Variants in SLC27A5 observed in about 807,000 individuals in gnomAD.
SLC27A5 encodes the protein long-chain fatty acid transport protein 5.
Under a neutral mutation model 63.1 loss-of-function variants are expected in SLC27A5, and 47 were observed. That is an observed-to-expected ratio of 0.74 (90% confidence interval 0.59 to 0.95). The LOEUF is 0.95. Among genes scored for constraint, SLC27A5 ranks in the 40% least tolerant of loss-of-function variants. SLC27A5 has a pLI of 0.00. For synonymous variants in SLC27A5, 391 were observed against 403.8 expected (o/e 0.97, Z 0.38); for missense variants, 940 against 921.0 (o/e 1.02, Z -0.27).
intron 2 of SLC27A5, 87 bp from the exon 3 acceptor site, chr19:58,510,092 G>T: frequency 1.5e-6 from 2 of 1,376,698 alleles, no homozygotes; most frequent in Non-Finnish European, 2.0e-6. Flanking sequence ...CCAACAGCCA[G>T]GCCTACATTG....
Position 58,500,370 on chromosome 19 carries a change from G to A in SLC27A5, c.1437C>T (p.Asp479=). The change falls in exon 6 of 10, where the codon GAC becomes GAT. Residue 479 remains aspartate, a synonymous_variant. Coordinates refer to ENST00000263093, the MANE Select transcript of SLC27A5 (RefSeq NM_012254.3). ...CTACAGGGATGCAGAAGCCCTGATT[G>A]TCCCTCACAGGCTCCGCCGCCTCCA... ...FDMEAAEPVR[D]NQGFCIPVGL... is the part of the protein sequence containing the mutation. 6.2e-7 allele frequency: 1 copy of A among 1,613,574 alleles called. No individual in the cohort carries two copies.
intron 2 of SLC27A5, 27 bp downstream of exon 2, chr19:58,510,694 G>A: frequency 6.4e-7 from 1 of 1,552,176 alleles, no homozygotes; most frequent in South Asian, 1.2e-5. Context: ...TTCAGAGGCT[G>A]GTGCTAGGGC....
intron 3 of SLC27A5, among the ~76,000 whole-genome samples, chr19:58,502,634 G>A (rs150978418): frequency 1.5e-5 from 2 of 131,400 alleles, no homozygotes; most frequent in East Asian, 2.3e-4. Context: ...TGGATGTGTG[G>A]ACAGAGTAGT....
In SLC27A5 at chr19:58,500,592, C is replaced by T. The variant is rs773882107; in HGVS notation, c.1297G>A (p.Gly433Ser). ...AAGCCCATGTTGCCTTCTGTGGAGC[C>T]GTAGACTTCCCAGATCCGAATAGGA... ...FGPIRIWEVYGSTEGNMGLVN... is the reference protein window; with the variant it reads ...FGPIRIWEVYSSTEGNMGLVN... The change falls in exon 5 of 10, where the codon GGC (glycine) becomes AGC (serine). Residue 433 changes from glycine (G) to serine (S), a missense_variant. Coordinates refer to ENST00000263093, the MANE Select transcript of SLC27A5 (RefSeq NM_012254.3). The T allele has an allele frequency of 1.4e-5, 23 of 1,614,104 alleles. No individual in the cohort carries two copies. The Middle Eastern group carries it at 8.2e-4, about 58-fold the overall frequency.
intron 3 of SLC27A5, among the ~76,000 whole-genome samples, chr19:58,506,137 G>A (rs888032789): frequency 1.3e-5 from 2 of 151,722 alleles, no homozygotes; most frequent in Non-Finnish European, 2.9e-5. Context: ...ATGTTGCCCA[G>A]GCTGGTGTTG....
chr19:58,503,117 A>C (rs1348395577), intron 3 of SLC27A5, among the ~76,000 whole-genome samples: 2 of 151,678 alleles, frequency 1.3e-5, no homozygotes, highest in Non-Finnish European at 2.9e-5. Flanking sequence ...AGGCAGGAGA[A>C]TGGCGTGAAC....
chr19:58,509,781 C>T, intron 3 of SLC27A5, 66 bp downstream of exon 3: 2 of 1,458,886 alleles, frequency 1.4e-6, no homozygotes, highest in South Asian at 2.7e-5. Flanking sequence ...TTTGCCTTGA[C>T]AGCCCCACGC....
chr19:58,505,192 C>T (rs1395444163), intron 3 of SLC27A5, among the ~76,000 whole-genome samples: 2 of 150,314 alleles, frequency 1.3e-5, no homozygotes, highest in South Asian at 4.2e-4. Flanking sequence ...CCCTGCGCCC[C>T]GGGTTCAAGC....
In SLC27A5 at chr19:58,510,851, G is replaced by A. The variant is rs550112910; in HGVS notation, c.768C>T (p.Ser256=). The change falls in exon 2 of 10, where the codon TCC becomes TCT. Residue 256 remains serine, a synonymous_variant. Coordinates refer to ENST00000263093, the MANE Select transcript of SLC27A5 (RefSeq NM_012254.3). ...CCAGAGCCCCCACCCCTGGTGTAGG[G>A]GAGGTATGGCTGAGGTAGAAGCAGC... ...NIRCFYLSHT[S]PTPGVGALGA... is the part of the protein sequence containing the mutation. The A allele has an allele frequency of 1.2e-6, 2 of 1,613,294 alleles. No homozygotes were observed. Among genetic ancestry groups the A allele is most frequent in the African/African-American group, 2.7e-5 (2 of 75,016 alleles).
rs1488602778 is a variant in SLC27A5 at position 58,499,693 on chromosome 19, G to T, written c.1469-3C>A. 2 of 1,610,740 alleles carry T rather than the reference G, an allele frequency of 1.2e-6. No homozygotes were observed. Reference sequence around the variant, plus strand: ...GGTCAGCAGCAGCCCCGGCTCCCCTGGGGTAGGAGCAGGAACAAGAACCCC... The same window carrying T: ...GGTCAGCAGCAGCCCCGGCTCCCCTTGGGTAGGAGCAGGAACAAGAACCCC... On this transcript the variant is annotated splice_polypyrimidine_tract_variant and splice_region_variant and intron_variant, in intron 6 of 9. Transcript: ENST00000263093.
chr19:58,510,750 G>C lies in SLC27A5; in HGVS notation c.869C>G (p.Ala290Gly). The C allele has an allele frequency of 6.2e-7, 1 of 1,612,642 alleles. No individual in the cohort carries two copies. The highest frequency in any genetic ancestry group is 8.5e-7 in the Non-Finnish European group (1 of 1,179,478). Residue 290 changes from alanine (A) to glycine (G), a missense_variant, in exon 2 of 10, where the codon GCC becomes GGC. Ala to Gly is a moderately conservative substitution (Grantham distance 60). Coordinates refer to ENST00000263093, the MANE Select transcript of SLC27A5 (RefSeq NM_012254.3). The stretch of plus-strand genomic sequence containing the variant: ...GGTCCCCGAGGTATAGATGAAGAGG[G>C]CAGGGCTTCTCCATGTGATCCCAGC... The part of the protein sequence containing the change: ...LRAGITWRSP[A>G]LFIYTSGTTG...
Position 58,500,689 on chromosome 19 carries a change from T to C in SLC27A5, c.1200A>G (p.Thr400=). 1 of 1,613,658 alleles carries C rather than the reference T, an allele frequency of 6.2e-7. No homozygotes were observed. Among genetic ancestry groups the C allele is most frequent in the African/African-American group, 1.3e-5 (1 of 75,030 alleles). The change falls in exon 5 of 10, where the codon ACA becomes ACG. Residue 400 remains threonine (T), a synonymous_variant. Transcript: ENST00000263093. ...TGCCCATTGCCAGGCGGACTGTATG[T>C]GTCCGGTCCTCTGGTTGCTACAGGA... ...CNIPQQPEDR[T]HTVRLAMGNG... is the part of the protein sequence containing the mutation.
Position 58,499,211 on chromosome 19 carries a change from G to A in SLC27A5, c.1677C>T (p.Gly559=). The change falls in exon 8 of 10, where the codon GGC becomes GGT. Residue 559 remains glycine, a synonymous_variant. Transcript: ENST00000263093. ...DRLGDTFRWK[G]ENVSTHEVEG... is the part of the protein sequence containing the mutation. ...CCACCTCGTGCGTGGACACGTTCTC[G>A]CCCTTCCATCTGCAAGGAGGGAGCC... is the stretch of plus-strand genomic sequence containing the variant. 1.2e-6 allele frequency: 2 copies of A among 1,613,738 alleles called. No homozygotes were observed. Among genetic ancestry groups the A allele is most frequent in the Non-Finnish European group, 8.5e-7 (1 of 1,179,960 alleles).
chr19:58,498,973 T>C, intron 8 of SLC27A5, 58 bp from the exon 9 acceptor site: 1 of 1,592,988 alleles, frequency 6.3e-7, no homozygotes. Context: ...TAGCTGACCC[T>C]CCAGCCTCGC....
intron 6 of SLC27A5, 46 bp from the exon 7 acceptor site, chr19:58,499,736 G>GC (rs774880824): frequency 1.3e-6 from 2 of 1,585,824 alleles, no homozygotes; most frequent in African/African-American, 2.7e-5. Context: ...CACCAGCCAA[G>GC]CCCCCTGCTG....
intron 3 of SLC27A5, chr19:58,509,540 G>A (rs1202116466): frequency 3.5e-6 from 1 of 282,708 alleles, no homozygotes. Context: ...AGCTGCCCTT[G>A]GGGCCATGTC....
In SLC27A5 at chr19:58,498,522, C is replaced by T. The variant is rs1441419984; in HGVS notation, c.2066G>A (p.Arg689Lys). Residue 689 changes from arginine (R) to lysine (K), a missense_variant, in exon 10 of 10, where the codon AGG becomes AAG. Transcript: ENST00000263093. ...AGTGGGTTGGCCAGGTGATCAGAGCCTCCAGGTTCCCTCACACACAGCCTG... is the reference window on the plus strand; with the variant it reads ...AGTGGGTTGGCCAGGTGATCAGAGCTTCCAGGTTCCCTCACACACAGCCTG... ...MYQAVCEGTW[R>K]L The T allele has an allele frequency of 6.2e-7, 1 of 1,611,256 alleles. No homozygotes were observed. Among genetic ancestry groups the T allele is most frequent in the Admixed American group, 1.7e-5 (1 of 59,862 alleles).
chr19:58,504,585 G>A, intron 3 of SLC27A5, among the ~76,000 whole-genome samples: 1 of 115,912 alleles, frequency 8.6e-6, no homozygotes. Flanking sequence ...GGGGGGGGGG[G>A]GGGGCGGGCG....
chr19:58,499,291 C>T, intron 7 of SLC27A5, 71 bp from the exon 8 acceptor site: 1 of 1,499,902 alleles, frequency 6.7e-7, no homozygotes, highest in Non-Finnish European at 9.1e-7. Context: ...GCCCCCGCCC[C>T]GCCCCTTTTG....
Sources: gnomAD v4.1 joint callset for allele counts (sites outside exome capture counted in the v4.1 genomes callset) on GRCh38, gnomAD v4.1.1 for gene constraint, MANE v1.5 for transcripts, NCBI Gene and HGNC (gene_info 2026-07-23, HGNC 2026-07-21) for gene names.